UFL1: variants seen among roughly 807,000 people sequenced by gnomAD.
UFL1 encodes the protein UFM1 specific ligase 1.
UFL1 carries 78 observed loss-of-function variants against 99.3 expected under a neutral mutation model. The observed-to-expected ratio is 0.79, with a 90% CI of 0.65 to 0.95. UFL1 has a LOEUF of 0.95. Among genes scored for constraint, UFL1 ranks in the 40% least tolerant of loss-of-function variants. The pLI is 0.00. For synonymous variants in UFL1, 335 were observed against 322.2 expected (o/e 1.04, Z -0.42); for missense variants, 936 against 937.0 (o/e 1.00, Z 0.01).
At chr6:96,525,201 C>T (rs755215980) in intron 3 of UFL1, 96 bp from the exon 4 acceptor site, 49 of 965,954 alleles carry the variant, frequency 5.1e-5, no homozygotes, top group Non-Finnish European at 6.7e-5. Context: ...CATGCCTGGC[C>T]GGCAATTTCT....
chr6:96,538,618 T>G lies in UFL1; in HGVS notation c.979-13T>G. The G allele has an allele frequency of 2.5e-6, 4 of 1,608,420 alleles. No homozygotes were observed. The highest frequency in any genetic ancestry group is 3.4e-6 in the Non-Finnish European group (4 of 1,176,702). On this transcript the variant is annotated splice_polypyrimidine_tract_variant and intron_variant, in intron 9 of 18. Transcript: ENST00000369278. ...GCATTTATACTTTATTTTTATTTTG[T>G]TTGTAATTCTAGCCTCTGCTACCCA...
At chr6:96,529,290 T>C (rs1001645439) in intron 6 of UFL1, among the ~76,000 whole-genome samples, 4 of 152,212 alleles carry the variant, frequency 2.6e-5, no homozygotes, top group Admixed American at 6.5e-5. Flanking sequence ...CATTTAAATA[T>C]GTCCAAAAGT....
intron 11 of UFL1, among the ~76,000 whole-genome samples, chr6:96,542,488 T>A (rs1582443290): frequency 6.6e-6 from 1 of 151,334 alleles, no homozygotes; most frequent in African/African-American, 2.4e-5. Flanking sequence ...TGAAGTCTTA[T>A]AATAGAAGGT....
At chr6:96,531,600 C>G (rs1318121355) in intron 6 of UFL1, among the ~76,000 whole-genome samples, 1 of 152,168 alleles carries the variant, frequency 6.6e-6, no homozygotes, top group Non-Finnish European at 1.5e-5. Context: ...GGGAAAGAAA[C>G]TGGGTAGCTG....
At chr6:96,540,438 A>G (rs890335444) in intron 10 of UFL1, 97 bp from the exon 11 acceptor site, 2 of 1,429,140 alleles carry the variant, frequency 1.4e-6, no homozygotes, top group African/African-American at 1.5e-5. Context: ...CTAAGCAACA[A>G]AACCAAACAA....
chr6:96,552,222 T>C (rs1770090903), intron 17 of UFL1, among the ~76,000 whole-genome samples: 1 of 152,050 alleles, frequency 6.6e-6, no homozygotes, highest in South Asian at 2.1e-4. Flanking sequence ...TGCAAATTTG[T>C]TTGACCTCCA....
chr6:96,521,835 G>C lies in UFL1; in HGVS notation c.-39G>C. 1.9e-6 allele frequency: 3 copies of C among 1,594,794 alleles called. No individual in the cohort carries two copies. The South Asian group carries it at 3.4e-5, about 18-fold the overall frequency. On this transcript the variant is annotated 5_prime_UTR_variant, in exon 1 of 19. Transcript: ENST00000369278. ...TCTCCCACCGCCTGTCGGCTGACGT[G>C]TCTGCAGTTCCTCCGCGTCTACTGC... is the stretch of plus-strand genomic sequence containing the variant.
At chr6:96,524,003 A>G (rs1769664560) in intron 2 of UFL1, among the ~76,000 whole-genome samples, 1 of 152,072 alleles carries the variant, frequency 6.6e-6, no homozygotes, top group African/African-American at 2.4e-5. Flanking sequence ...GTAGAAGCCT[A>G]CCTTTTAGTA....
chr6:96,524,007 T>C (rs929237290), intron 2 of UFL1, among the ~76,000 whole-genome samples: 1 of 152,110 alleles, frequency 6.6e-6, no homozygotes, highest in Non-Finnish European at 1.5e-5. Context: ...AAGCCTACCT[T>C]TTAGTATCAA....
intron 1 of UFL1, chr6:96,522,909 T>C (rs981499102): frequency 3.3e-6 from 1 of 303,132 alleles, no homozygotes; most frequent in Non-Finnish European, 6.0e-6. Context: ...GACTTGAAAT[T>C]TGTGATGGGA....
intron 1 of UFL1, 133 bp downstream of exon 1, chr6:96,522,083 T>G (rs1029825714): frequency 9.4e-7 from 1 of 1,066,082 alleles, no homozygotes; most frequent in Non-Finnish European, 1.3e-6. Flanking sequence ...TCCTCCTCCC[T>G]CTGTCCCGAG....
intron 10 of UFL1, among the ~76,000 whole-genome samples, chr6:96,540,085 T>C (rs999471009): frequency 2.0e-5 from 3 of 151,358 alleles, no homozygotes; most frequent in Non-Finnish European, 4.4e-5. Context: ...AAAGATTATA[T>C]GACTTAGTAT....
chr6:96,536,120 A>C, intron 7 of UFL1, 124 bp from the exon 8 acceptor site: 1 of 916,624 alleles, frequency 1.1e-6, no homozygotes, highest in Non-Finnish European at 1.5e-6. Context: ...TATTTATGCT[A>C]TTTCAACTTC....
chr6:96,550,311 C>T (rs1378608595), intron 15 of UFL1, among the ~76,000 whole-genome samples: 1 of 151,888 alleles, frequency 6.6e-6, no homozygotes. Flanking sequence ...CCTTCTCCTT[C>T]TCTTTCTTCT....
In UFL1 at chr6:96,521,923, G is replaced by C. The variant is rs1261579898; in HGVS notation, c.50G>C (p.Arg17Pro). Residue 17 changes from arginine to proline, a missense_variant, in exon 1 of 19, where the codon CGG (arginine) becomes CCG (proline). Transcript: ENST00000369278. The part of the protein sequence containing the change: ...EIRRLAADFQ[R>P]AQFAEATQRL... ...AGGCGGTTGGCGGCCGACTTCCAGC[G>C]GGCGCAGTTCGCCGAGGCCACGCAG... 1 of 1,612,540 alleles carries C rather than the reference G, an allele frequency of 6.2e-7. No homozygotes were observed. The highest frequency in any genetic ancestry group is 8.5e-7 in the Non-Finnish European group (1 of 1,179,592).
chr6:96,542,936 G>A lies in UFL1; in HGVS notation c.1322G>A (p.Arg441Lys). 1.9e-6 allele frequency: 3 copies of A among 1,601,684 alleles called. No individual in the cohort carries two copies. In the South Asian group the frequency reaches 3.4e-5, roughly 18 times the overall value. ...SMRGGGGGNA[R>K]EYKIKKVKKK... ...AGAGGAGGAGGTGGGGGCAATGCCA[G>A]AGAGTACAAAATTAAAAAAGTCAAG... is the stretch of plus-strand genomic sequence containing the variant. Residue 441 changes from arginine to lysine, a missense_variant, in exon 12 of 19, where the codon AGA becomes AAA. Transcript: ENST00000369278.
In UFL1 at chr6:96,536,390, G is replaced by A. The variant is rs1471974674; in HGVS notation, c.802G>A (p.Glu268Lys). ...DSFFRQNGYL[E>K]FDALSRLGIP... ...CTTTTTCAGGCAGAATGGCTATCTAGGTAACTTTCTTATTTCTTTAAAACT... is the reference window on the plus strand; with the variant it reads ...CTTTTTCAGGCAGAATGGCTATCTAAGTAACTTTCTTATTTCTTTAAAACT... Residue 268 changes from glutamate to lysine, a missense_variant and splice_region_variant, in exon 8 of 19, where the codon GAA becomes AAA. Glu to Lys is a moderately conservative substitution (Grantham distance 56). Coordinates refer to ENST00000369278, the MANE Select transcript of UFL1 (RefSeq NM_015323.5). 4.4e-6 allele frequency: 7 copies of A among 1,593,270 alleles called. No individual in the cohort carries two copies. Among genetic ancestry groups the A allele is most frequent in the Non-Finnish European group, 5.1e-6 (6 of 1,167,356 alleles).
chr6:96,542,771 A>G (rs1485686810), intron 11 of UFL1, 123 bp from the exon 12 acceptor site: 1 of 990,886 alleles, frequency 1.0e-6, no homozygotes, highest in East Asian at 3.4e-5. Flanking sequence ...AAAGAGTCTA[A>G]AAGTTTCTTT....
In UFL1 at chr6:96,545,250, CTTAA is replaced by C. The variant is rs1357832555; in HGVS notation, c.1402+2239_1402+2242del. ...AAGTTTTTGCTTATAGAATCAATAA[CTTAA>C]TTAAGCTAGAAATAATCACTTTTAT... On this transcript the variant is annotated intron_variant, in intron 12 of 18. Transcript: ENST00000369278. Among the ~76,000 whole-genome samples, 4 of 151,056 alleles carry C rather than the reference CTTAA, an allele frequency of 2.6e-5. No individual in the cohort carries two copies. In the East Asian group the frequency reaches 7.8e-4, roughly 29 times the overall value.
Sources: gnomAD v4.1 joint callset for allele counts (sites outside exome capture counted in the v4.1 genomes callset) on GRCh38, gnomAD v4.1.1 for gene constraint, MANE v1.5 for transcripts, NCBI Gene and HGNC (gene_info 2026-07-23, HGNC 2026-07-21) for gene names.